TMPRSS11B: variants seen among roughly 807,000 people sequenced by gnomAD.
The protein encoded by TMPRSS11B is transmembrane protease serine 11B.
TMPRSS11B carries 53 observed loss-of-function variants against 44.7 expected under a neutral mutation model. The ratio of observed to expected loss-of-function variants is 1.19; its 90% CI spans 0.95 to 1.49. TMPRSS11B has a LOEUF of 1.49. Among genes scored for constraint, TMPRSS11B ranks in the 40% most tolerant of loss-of-function variants. The pLI, the probability that TMPRSS11B is intolerant of heterozygous loss-of-function variation, is 0.00. For synonymous variants in TMPRSS11B, 140 were observed against 159.2 expected (o/e 0.88, Z 0.91); for missense variants, 526 against 494.8 (o/e 1.06, Z -0.60).
At chr4:68,237,407 A>G (rs1292027843) in intron 2 of TMPRSS11B, among the ~76,000 whole-genome samples, 1 of 152,120 alleles carries the variant, frequency 6.6e-6, no homozygotes, top group Non-Finnish European at 1.5e-5. Context: ...ATAAGGGTGC[A>G]TATGTCTTTA....
chr4:68,226,919 G>A lies in TMPRSS11B; in HGVS notation c.*992C>T, dbSNP rs1461015723. On this transcript the variant is annotated 3_prime_UTR_variant, in exon 10 of 10. Transcript: ENST00000332644. ...TTATATAAATAATTGCCACTCAAAA[G>A]TCATTCTTTAATTCCTGACAAATTT... 1 of 152,190 alleles carries A rather than the reference G, an allele frequency of 6.6e-6. No homozygotes were observed. Among genetic ancestry groups the A allele is most frequent in the Non-Finnish European group, 1.5e-5 (1 of 68,040 alleles). The allele number at this position is 152,190 out of a possible 1,614,324, so 9.4% of individuals were successfully genotyped here. A position where few individuals can be genotyped will look rare whatever the true frequency, so the allele number is the denominator to read the frequency against.
rs1224356597 is a variant in TMPRSS11B at position 68,226,989 on chromosome 4, G to T, written c.*922C>A. 2.0e-5 allele frequency: 3 copies of T among 152,180 alleles called. No individual in the cohort carries two copies. Among genetic ancestry groups the T allele is most frequent in the Non-Finnish European group, 4.4e-5 (3 of 68,036 alleles). The allele number at this position is 152,180 out of a possible 1,614,324, so 9.4% of individuals were successfully genotyped here. On this transcript the variant is annotated 3_prime_UTR_variant, in exon 10 of 10. Transcript: ENST00000332644. ...GACAAATTTGTGTAAGGATAAATTTGTCAACTTATCACAGATGATGGAGAG... is the reference window on the plus strand; with the variant it reads ...GACAAATTTGTGTAAGGATAAATTTTTCAACTTATCACAGATGATGGAGAG...
chr4:68,229,186 G>T, intron 8 of TMPRSS11B, 71 bp downstream of exon 8: 3 of 1,236,066 alleles, frequency 2.4e-6, no homozygotes, highest in Non-Finnish European at 3.3e-6. Flanking sequence ...GGGGATGATT[G>T]ATTGATTGAT....
At chr4:68,232,549 G>A in intron 5 of TMPRSS11B, 133 bp from the exon 6 acceptor site, 1 of 717,418 alleles carries the variant, frequency 1.4e-6, no homozygotes, top group Non-Finnish European at 2.3e-6. Flanking sequence ...AGTAGTTCAG[G>A]TATTTTCAGC....
rs1417977565 is a variant in TMPRSS11B at position 68,229,269 on chromosome 4, G to T, written c.934C>A (p.Leu312Ile). ...DNVVVTGWGT[L>I]YMNGSFPVIL... is the part of the protein sequence containing the mutation. Reference sequence around the variant, plus strand: ...CAAAAAAACTTACCATTCATATAAAGTGTTCCCCAACCTGTAACTACAACA... The same window carrying T: ...CAAAAAAACTTACCATTCATATAAATTGTTCCCCAACCTGTAACTACAACA... The change falls in exon 8 of 10, where the codon CTT becomes ATT. Residue 312 changes from leucine (L) to isoleucine (I), a missense_variant. Coordinates refer to ENST00000332644, the MANE Select transcript of TMPRSS11B (RefSeq NM_182502.3). The T allele has an allele frequency of 6.2e-7, 1 of 1,603,446 alleles. No individual in the cohort carries two copies. Among genetic ancestry groups the T allele is most frequent in the East Asian group, 2.2e-5 (1 of 44,710 alleles).
Position 68,228,947 on chromosome 4 carries a change from A to C in TMPRSS11B, c.947-63T>G, listed in dbSNP as rs1719431369. 9 of 1,538,392 alleles carry C rather than the reference A, an allele frequency of 5.9e-6. No individual in the cohort carries two copies. The East Asian group carries it at 2.0e-4, about 35-fold the overall frequency. ...GACTTTGCTGGGACAAAGAATATCT[A>C]CCTATAGCATAAAGCAGACTCTCTT... On this transcript the variant is annotated intron_variant, in intron 8 of 9. Coordinates refer to ENST00000332644, the MANE Select transcript of TMPRSS11B (RefSeq NM_182502.3).
Position 68,236,247 on chromosome 4 carries a change from T to A in TMPRSS11B, c.144A>T (p.Gln48His), listed in dbSNP as rs371312565. 1.6e-5 allele frequency: 26 copies of A among 1,605,030 alleles called. No individual in the cohort carries two copies. The highest frequency in any genetic ancestry group is 2.1e-5 in the Non-Finnish European group (25 of 1,175,026). The change falls in exon 3 of 10, where the codon CAA (glutamine) becomes CAT (histidine). Residue 48 changes from glutamine (Q) to histidine (H), a missense_variant. Gln to His is a conservative substitution (Grantham distance 24, BLOSUM62 0). Coordinates refer to ENST00000332644, the MANE Select transcript of TMPRSS11B (RefSeq NM_182502.3). ...TGACTCCAGAAATATGAAAATCACC[T>A]TGATAATAGTAAGTCTTCTCTGCAA... The part of the protein sequence containing the change: ...FLAVEKTYYY[Q>H]GDFHISGVTY...
At position 68,235,975 on chromosome 4, in the gene TMPRSS11B, TA is replaced by T. The variant is rs772782085; in HGVS notation, c.308+26del. Reference sequence around the variant, plus strand: ...TGATATATCACCTACTTTCCTTTCATAAAATCTTAAATGAACTTGTACTTAC... The same window carrying T: ...TGATATATCACCTACTTTCCTTTCATAAATCTTAAATGAACTTGTACTTAC... On this transcript the variant is annotated intron_variant, in intron 4 of 9. Coordinates refer to ENST00000332644, the MANE Select transcript of TMPRSS11B (RefSeq NM_182502.3). 2.1e-6 allele frequency: 3 copies of T among 1,453,808 alleles called. No homozygotes were observed. The Admixed American group carries it at 6.6e-5, about 32-fold the overall frequency. 90.1% of individuals were successfully genotyped at this position (1,453,808 alleles called of 1,614,324 possible).
rs1164633890 is a variant in TMPRSS11B, at chr4:68,229,337, A to G, written c.866T>C (p.Ile289Thr). ...CTTCATTTTGGCTTCAGGAAGACAA[A>G]TCTTACGAATGTACTCTGTAAAAGA... ...EVSFTEYIRK[I>T]CLPEAKMKLS... Residue 289 changes from isoleucine (I) to threonine (T), a missense_variant, in exon 8 of 10, where the codon ATT (isoleucine) becomes ACT (threonine). Coordinates refer to ENST00000332644, the MANE Select transcript of TMPRSS11B (RefSeq NM_182502.3). 1 of 1,613,988 alleles carries G rather than the reference A, an allele frequency of 6.2e-7. No homozygotes were observed. The highest frequency in any genetic ancestry group is 8.5e-7 in the Non-Finnish European group (1 of 1,179,924).
Position 68,234,561 on chromosome 4 carries a change from C to T in TMPRSS11B, c.371G>A (p.Gly124Glu), listed in dbSNP as rs773181040. 1.1e-5 allele frequency: 17 copies of T among 1,613,948 alleles called. No homozygotes were observed. The South Asian group carries it at 1.6e-4, about 16-fold the overall frequency. The change falls in exon 5 of 10, where the codon GGA (glycine) becomes GAA (glutamate). Residue 124 changes from glycine to glutamate, a missense_variant. Gly to Glu is a moderately conservative substitution (Grantham distance 98). Coordinates refer to ENST00000332644, the MANE Select transcript of TMPRSS11B (RefSeq NM_182502.3). The stretch of plus-strand genomic sequence containing the variant: ...CTTGATTTTAGTCCTCATGCTAACT[C>T]CTTCTGCTGGAGGAAACTTGAATTT... ...QLKFKFPPAE[G>E]VSMRTKIKAK...
intron 7 of TMPRSS11B, among the ~76,000 whole-genome samples, chr4:68,230,723 A>T (rs1719486673): frequency 6.6e-6 from 1 of 151,820 alleles, no homozygotes; most frequent in African/African-American, 2.4e-5. Context: ...AGAATCGCTT[A>T]AACCCAGGAG....
rs1719428278 is a variant in TMPRSS11B at position 68,228,860 on chromosome 4, T to C, written c.971A>G (p.Glu324Gly). 2 of 1,613,014 alleles carry C rather than the reference T, an allele frequency of 1.2e-6. No individual in the cohort carries two copies. Among genetic ancestry groups the C allele is most frequent in the Non-Finnish European group, 1.7e-6 (2 of 1,179,740 alleles). Residue 324 changes from glutamate (E) to glycine (G), a missense_variant, in exon 9 of 10, where the codon GAA becomes GGA. Glu to Gly is a moderately conservative substitution (Grantham distance 98). Transcript: ENST00000332644. The stretch of plus-strand genomic sequence containing the variant: ...GTTGTCAATAATCTTCAAAAAGTCT[T>C]CTTGAAGTATCACTGGAAATGAACC... ...MNGSFPVILQ[E>G]DFLKIIDNKI...
rs143350283 is a variant in TMPRSS11B at position 68,231,960 on chromosome 4, A to G, written c.508+418T>C. The stretch of plus-strand genomic sequence containing the variant: ...TGAATTGCACTCCAGCCCACACAAC[A>G]TAGCAACATCCCACCTCTAAAGCAA... On this transcript the variant is annotated intron_variant, in intron 6 of 9. Coordinates refer to ENST00000332644, the MANE Select transcript of TMPRSS11B (RefSeq NM_182502.3). 7.9e-3 allele frequency: 1,262 copies of G among 159,184 alleles called. 13 individuals are homozygous for G. Among genetic ancestry groups the G allele is most frequent in the African/African-American group, 0.027 (1,115 of 41,664 alleles). 9.9% of individuals were successfully genotyped at this position (159,184 alleles called of 1,614,324 possible).
intron 4 of TMPRSS11B, among the ~76,000 whole-genome samples, chr4:68,235,155 A>G (rs1451849324): frequency 1.3e-5 from 2 of 152,224 alleles, no homozygotes; most frequent in Non-Finnish European, 2.9e-5. Context: ...AGCATGAAGG[A>G]CATCTTGATT....
At chr4:68,243,806 A>G (rs1406242097) in intron 1 of TMPRSS11B, among the ~76,000 whole-genome samples, 6 of 152,134 alleles carry the variant, frequency 3.9e-5, no homozygotes, top group Non-Finnish European at 8.8e-5. Flanking sequence ...CTAAATAATT[A>G]TTCTAAGTTC....
rs1719662655 is a variant in TMPRSS11B at position 68,236,229 on chromosome 4, A to G, written c.162T>C (p.Ser54=). 1.1e-5 allele frequency: 17 copies of G among 1,611,726 alleles called. No individual in the cohort carries two copies. Among genetic ancestry groups the G allele is most frequent in the Non-Finnish European group, 1.3e-5 (15 of 1,178,922 alleles). Residue 54 remains serine (S), a synonymous_variant, in exon 3 of 10, where the codon TCT becomes TCC. Transcript: ENST00000332644. ...CACAATTATCATTGTATGTGACTCC[A>G]GAAATATGAAAATCACCTTGATAAT... ...TYYYQGDFHI[S]GVTYNDNCEN... is the part of the protein sequence containing the mutation.
intron 1 of TMPRSS11B, among the ~76,000 whole-genome samples, chr4:68,245,336 A>C (rs111807998): frequency 0.017 from 2,614 of 152,190 alleles, 71 homozygotes; most frequent in African/African-American, 0.058. Flanking sequence ...CAGTAAGCAA[A>C]ATTTTGCTGA....
intron 9 of TMPRSS11B, among the ~76,000 whole-genome samples, 163 bp from the exon 10 acceptor site, chr4:68,228,235 A>G (rs1577974150): frequency 6.6e-6 from 1 of 152,302 alleles, no homozygotes; most frequent in East Asian, 1.9e-4. Context: ...CAAGACAGCT[A>G]CAAACCAGAA....
intron 1 of TMPRSS11B, 132 bp downstream of exon 1, chr4:68,245,419 G>T: frequency 1.0e-6 from 1 of 968,466 alleles, no homozygotes. Flanking sequence ...TCAGACAATA[G>T]AGTGTTTCTT....
Sources: gnomAD v4.1 joint callset for allele counts (sites outside exome capture counted in the v4.1 genomes callset) on GRCh38, gnomAD v4.1.1 for gene constraint, MANE v1.5 for transcripts, NCBI Gene and HGNC (gene_info 2026-07-23, HGNC 2026-07-21) for gene names.